The following ABCA5 variants were observed in gnomAD, a reference collection of about 807,000 sequenced individuals.
ABCA5 encodes cholesterol transporter ABCA5.
In ABCA5, 163 loss-of-function variants were observed where a neutral mutation model predicts 206.0. That is an observed-to-expected ratio of 0.79 (90% CI 0.70 to 0.90). ABCA5 has a LOEUF of 0.90. ABCA5 is among the 40% of genes least tolerant of loss of function. The probability of loss-of-function intolerance (pLI) is 0.00; values close to 1 mark genes in which losing one functional copy is unlikely to be tolerated. For synonymous variants in ABCA5, 609 were observed against 613.8 expected, an observed-to-expected ratio of 0.99 and a Z score of 0.11; for missense variants, 1,859 against 1,912.9, an observed-to-expected ratio of 0.97 and a Z score of 0.53.
intron 5 of ABCA5, among the ~76,000 whole-genome samples, chr17:69,307,215 CAAATA>C (rs76077863): frequency 0.14 from 21,402 of 151,688 alleles, 1,539 homozygotes; most frequent in Admixed American, 0.16. Flanking sequence ...AATAATTTGT[CAAATA>C]AAATAAAATT....
chr17:69,307,041 G>A (rs16973895), intron 5 of ABCA5, 87 bp from the exon 6 acceptor site: 2 of 871,888 alleles, frequency 2.3e-6, no homozygotes, highest in African/African-American at 3.5e-5. Flanking sequence ...CCCTAAATTT[G>A]GTCAGTAACC....
At chr17:69,284,892 A>T (rs756060781) in intron 17 of ABCA5, among the ~76,000 whole-genome samples, 14 of 152,192 alleles carry the variant, frequency 9.2e-5, no homozygotes, top group Non-Finnish European at 8.8e-5. Context: ...CCTACAGGAG[A>T]TCCCAGAAGA....
At chr17:69,298,241 A>T (rs141090018) in intron 9 of ABCA5, among the ~76,000 whole-genome samples, 1,863 of 46,948 alleles carry the variant, frequency 0.04, 31 homozygotes, top group Middle Eastern at 0.095. Flanking sequence ...GGAAGGAAGG[A>T]AGGAAGGAAG....
Position 69,326,152 on chromosome 17 carries a change from A to G in ABCA5, c.-16+900T>C, listed in dbSNP as rs1302110946. On this transcript the variant is annotated intron_variant, in intron 1 of 38. Coordinates refer to ENST00000392676, the MANE Select transcript of ABCA5 (RefSeq NM_172232.4). This position sits in a 1 kb window ranked among gnomAD's most constrained non-coding sequence, Gnocchi z 4.8. ...CATCCTTTTACTAGCTGAGACCTTA[A>G]TAAGTTACTTAACCTCTTTGAGGCC... Among the ~76,000 whole-genome samples the G allele has an allele frequency of 6.6e-6, 1 of 152,188 alleles. No homozygotes were observed. The highest frequency in any genetic ancestry group is 2.4e-5 in the African/African-American group (1 of 41,446).
chr17:69,287,810 G>T, intron 14 of ABCA5, 59 bp from the exon 15 acceptor site: 1 of 1,485,684 alleles, frequency 6.7e-7, no homozygotes, highest in Non-Finnish European at 9.0e-7. Flanking sequence ...ATATTAAACA[G>T]GCATGTGGAC....
chr17:69,290,986 C>G (rs764238201), intron 12 of ABCA5, among the ~76,000 whole-genome samples: 6 of 152,060 alleles, frequency 3.9e-5, no homozygotes, highest in Non-Finnish European at 7.4e-5. Flanking sequence ...ACATACACAT[C>G]TACGTGTGTA....
intron 9 of ABCA5, among the ~76,000 whole-genome samples, chr17:69,298,273 AAGGAAGGAAGGGAGGG>A (rs1283546437): frequency 7.9e-6 from 1 of 127,250 alleles, no homozygotes; most frequent in East Asian, 2.5e-4. Flanking sequence ...GGAAGGAAGG[AAGGAAGGAAGGGAGGG>A]AGGGGAAAGA....
At position 69,261,213 on chromosome 17, in the gene ABCA5, C is replaced by A; in HGVS notation, c.3476G>T (p.Gly1159Val). ...ATGAAGAATAGTTGCAATTGTGTAT[C>A]CCATAAAGAAAGTTATTTCAGTGAT... ...IAITEITFFM[G>V]YTIATILHYA... Residue 1159 changes from glycine (G) to valine (V), a missense_variant, in exon 26 of 39, where the codon GGA becomes GTA. Transcript: ENST00000392676. 1.9e-6 allele frequency: 3 copies of A among 1,607,776 alleles called. No homozygotes were observed. The highest frequency in any genetic ancestry group is 2.5e-6 in the Non-Finnish European group (3 of 1,176,914).
chr17:69,287,796 C>G, intron 14 of ABCA5, 45 bp from the exon 15 acceptor site: 1 of 1,575,730 alleles, frequency 6.3e-7, no homozygotes, highest in Non-Finnish European at 8.6e-7. Context: ...CTCAGAAAAA[C>G]TAAATATTAA....
intron 13 of ABCA5, among the ~76,000 whole-genome samples, chr17:69,289,627 A>C (rs1397814250): frequency 6.6e-6 from 1 of 152,130 alleles, no homozygotes; most frequent in African/African-American, 2.4e-5. Context: ...AGAGGAGATG[A>C]GAGCAAGAGA....
At chr17:69,253,710 C>T (rs780590826) in intron 33 of ABCA5, 43 bp from the exon 34 acceptor site, 1 of 1,587,514 alleles carries the variant, frequency 6.3e-7, no homozygotes, top group East Asian at 2.2e-5. Context: ...AACAAAGGTT[C>T]ACTATAAGGA....
In ABCA5 at chr17:69,294,639, T is replaced by C. The variant is rs930817286; in HGVS notation, c.1495+16A>G. Reference sequence around the variant, plus strand: ...ACTTTAAATACTATGGCCTGAATACTAGGAAAACTACTTACTTCTCAAAGC... The same window carrying C: ...ACTTTAAATACTATGGCCTGAATACCAGGAAAACTACTTACTTCTCAAAGC... On this transcript the variant is annotated intron_variant, in intron 11 of 38. Transcript: ENST00000392676. The C allele has an allele frequency of 3.1e-6, 5 of 1,592,440 alleles. No homozygotes were observed. The highest frequency in any genetic ancestry group is 3.4e-5 in the Admixed American group (2 of 59,490).
intron 1 of ABCA5, among the ~76,000 whole-genome samples, chr17:69,323,675 AAC>A (rs1256101428): frequency 7.9e-5 from 12 of 152,156 alleles, no homozygotes; most frequent in South Asian, 2.1e-4. Context: ...TGAAAAAAAC[AAC>A]AGTCTTATTT....
chr17:69,316,592 T>TAA (rs34101085), intron 1 of ABCA5, among the ~76,000 whole-genome samples: 4 of 132,718 alleles, frequency 3.0e-5, no homozygotes, highest in East Asian at 2.1e-4. Flanking sequence ...GTATTAATGC[T>TAA]AAAAAAAAAA....
chr17:69,300,072 A>T (rs551532977), intron 9 of ABCA5, among the ~76,000 whole-genome samples: 1 of 152,260 alleles, frequency 6.6e-6, no homozygotes, highest in South Asian at 2.1e-4. Context: ...TTATTATTAC[A>T]TTGTAATATA....
chr17:69,252,016 A>ATT (rs1555668445), intron 34 of ABCA5, 150 bp from the exon 35 acceptor site: 943 of 612,842 alleles, frequency 1.5e-3, no homozygotes, highest in Non-Finnish European at 2.1e-3. Flanking sequence ...CCCAACTATG[A>ATT]TTTTTTTTTT....
intron 4 of ABCA5, among the ~76,000 whole-genome samples, chr17:69,308,864 G>A (rs2075743891): frequency 6.6e-6 from 1 of 151,990 alleles, no homozygotes; most frequent in East Asian, 1.9e-4. Context: ...ACAACCAAAG[G>A]TTGTTTCCCA....
chr17:69,298,671 C>G (rs1157488751), intron 9 of ABCA5, among the ~76,000 whole-genome samples: 1 of 143,908 alleles, frequency 6.9e-6, no homozygotes, highest in Non-Finnish European at 1.5e-5. Context: ...GGATCCTCAT[C>G]TCTCACCCTA....
intron 8 of ABCA5, among the ~76,000 whole-genome samples, chr17:69,301,658 T>G (rs1476803365): frequency 6.6e-6 from 1 of 152,050 alleles, no homozygotes; most frequent in African/African-American, 2.4e-5. Context: ...GCCAAACAAA[T>G]TAAGTATTAG....
Sources: allele counts gnomAD v4.1 joint callset (sites outside exome capture counted in the v4.1 genomes callset), GRCh38; gene constraint gnomAD v4.1.1; non-coding constraint Gnocchi (gnomAD v3.1); transcripts MANE v1.5; gene names NCBI Gene and HGNC (gene_info 2026-07-23, HGNC 2026-07-21).